MARVELD2: variants seen among roughly 807,000 people sequenced by gnomAD.
The protein encoded by MARVELD2 is MARVEL domain-containing protein 2.
A neutral mutation model predicts 57.6 loss-of-function variants in MARVELD2; 49 were observed. That is an observed-to-expected ratio of 0.85 (90% CI 0.68 to 1.08). The LOEUF is 1.08. Among genes scored for constraint, MARVELD2 ranks in the 50% least tolerant of loss-of-function variants. The pLI is 0.00. For missense variants in MARVELD2, 606 were observed against 701.1 expected (o/e 0.86, Z 1.53); for synonymous variants, 238 against 258.8 (o/e 0.92, Z 0.77).
intron 3 of MARVELD2, among the ~76,000 whole-genome samples, chr5:69,426,068 A>G (rs1766783082): frequency 6.6e-6 from 1 of 151,358 alleles, no homozygotes; most frequent in Non-Finnish European, 1.5e-5. Context: ...AAAGATGCCA[A>G]ATTTTGTAGT....
intron 3 of MARVELD2, among the ~76,000 whole-genome samples, chr5:69,430,418 G>C (rs896670346): frequency 1.3e-5 from 2 of 152,010 alleles, no homozygotes; most frequent in African/African-American, 4.8e-5. Context: ...ATCTCCCTAT[G>C]TTGCCCAGGC....
rs1016800692 is a variant in MARVELD2, at chr5:69,435,490, A to G, written c.1503+2397A>G. ...CTATATTGGCTGGGTGTGGTGGCTCATGCCTGTAATCTCAGCAGTTTGGGA... is the reference window on the plus strand; with the variant it reads ...CTATATTGGCTGGGTGTGGTGGCTCGTGCCTGTAATCTCAGCAGTTTGGGA... On this transcript the variant is annotated intron_variant, in intron 5 of 6. Coordinates refer to ENST00000325631, the MANE Select transcript of MARVELD2 (RefSeq NM_001038603.3). Among the ~76,000 whole-genome samples the G allele has an allele frequency of 2.0e-5, 3 of 152,058 alleles. No homozygotes were observed. The East Asian group carries it at 5.8e-4, about 29-fold the overall frequency.
At chr5:69,421,489 G>T (rs1047339708) in intron 2 of MARVELD2, among the ~76,000 whole-genome samples, 7 of 152,070 alleles carry the variant, frequency 4.6e-5, no homozygotes, top group African/African-American at 1.7e-4. Context: ...ATTGCACATG[G>T]TATATATTGG....
At chr5:69,436,511 T>C (rs1767148919) in intron 5 of MARVELD2, among the ~76,000 whole-genome samples, 1 of 151,958 alleles carries the variant, frequency 6.6e-6, no homozygotes, top group African/African-American at 2.4e-5. Flanking sequence ...ACAGACTCTT[T>C]GTTAAGTGTG....
chr5:69,433,614 A>G, intron 5 of MARVELD2: 1 of 159,678 alleles, frequency 6.3e-6, no homozygotes, highest in Non-Finnish European at 1.4e-5. Context: ...GCCTGCCACC[A>G]CGCCCAGCTA....
chr5:69,439,552 G>A (rs978496279), intron 5 of MARVELD2, among the ~76,000 whole-genome samples: 4 of 151,140 alleles, frequency 2.6e-5, no homozygotes, highest in African/African-American at 4.9e-5. Flanking sequence ...CCAGGAGTTC[G>A]AGACCAGCCT....
chr5:69,432,554 CAA>C lies in MARVELD2; in HGVS notation c.1212_1213del (p.Asp406LeufsTer4), dbSNP rs1161569913. 5 of 1,613,992 alleles carry C rather than the reference CAA, an allele frequency of 3.1e-6. No homozygotes were observed. The highest frequency in any genetic ancestry group is 1.7e-6 in the Non-Finnish European group (2 of 1,180,022). ...TGAAATGGCCACCAGTGGTGACAGA[CAA>C]AGAGACTCAGAAGTTAATTTCAAGG... Reference protein sequence around the residue: ...MCEMATSGDRQRDSEVNFKEL... With the variant: ...MCEMATSGDRXRDSEVNFKEL... On this transcript the variant is annotated frameshift_variant, in exon 4 of 7. Transcript: ENST00000325631. LOFTEE classifies it high-confidence loss of function.
At chr5:69,428,827 G>T (rs1391118221) in intron 3 of MARVELD2, among the ~76,000 whole-genome samples, 8 of 152,186 alleles carry the variant, frequency 5.3e-5, no homozygotes, top group African/African-American at 1.9e-4. Flanking sequence ...ACATTTAGGA[G>T]TTAAACCATG....
intron 5 of MARVELD2, among the ~76,000 whole-genome samples, chr5:69,436,275 C>T (rs1243267607): frequency 6.6e-6 from 1 of 151,896 alleles, no homozygotes; most frequent in Non-Finnish European, 1.5e-5. Flanking sequence ...GCAGGCAAGT[C>T]GTGTGAACCC....
intron 5 of MARVELD2, among the ~76,000 whole-genome samples, chr5:69,439,044 C>T (rs1580501149): frequency 8.8e-6 from 1 of 113,558 alleles, no homozygotes. Context: ...GCTTGGGCAA[C>T]AGAGCAAGAC....
Position 69,432,591 on chromosome 5 carries a change from C to G in MARVELD2, c.1247C>G (p.Thr416Arg), listed in dbSNP as rs1399788517. 2.5e-6 allele frequency: 4 copies of G among 1,614,048 alleles called. No homozygotes were observed. Among genetic ancestry groups the G allele is most frequent in the East Asian group, 2.2e-5 (1 of 44,900 alleles). ...GAAGTTAATTTCAAGGAACTGAGAA[C>G]AGCAAAAATGAAACCTGAACTACTG... is the stretch of plus-strand genomic sequence containing the variant. ...DSEVNFKELRTAKMKPELLSG... is the reference protein window; with the variant it reads ...DSEVNFKELRRAKMKPELLSG... The change falls in exon 4 of 7, where the codon ACA (threonine) becomes AGA (arginine). Residue 416 changes from threonine to arginine, a missense_variant. Coordinates refer to ENST00000325631, the MANE Select transcript of MARVELD2 (RefSeq NM_001038603.3).
intron 3 of MARVELD2, 140 bp from the exon 4 acceptor site, chr5:69,432,387 G>A (rs554282273): frequency 1.3e-5 from 12 of 900,728 alleles, no homozygotes; most frequent in East Asian, 5.3e-5. Flanking sequence ...GTGATCCTCC[G>A]GCTTTGTCCT....
chr5:69,427,797 C>G (rs927534590), intron 3 of MARVELD2, among the ~76,000 whole-genome samples: 15 of 152,126 alleles, frequency 9.9e-5, no homozygotes, highest in African/African-American at 2.4e-5. Flanking sequence ...AATTCTTTGT[C>G]TCATATGTGG....
intron 5 of MARVELD2, among the ~76,000 whole-genome samples, chr5:69,437,381 TA>T (rs36086491): frequency 0.014 from 1,426 of 100,070 alleles, 20 homozygotes; most frequent in African/African-American, 0.038. Flanking sequence ...AACTCTGTCT[TA>T]AAAAAAAAAA....
intron 5 of MARVELD2, among the ~76,000 whole-genome samples, chr5:69,438,215 G>A (rs1256800683): frequency 1.3e-5 from 2 of 152,032 alleles, no homozygotes; most frequent in African/African-American, 4.8e-5. Context: ...TAGAAATATT[G>A]CCCCAAACAA....
At chr5:69,441,428 G>C in intron 6 of MARVELD2, 104 bp from the exon 7 acceptor site, 1 of 1,329,248 alleles carries the variant, frequency 7.5e-7, no homozygotes, top group Non-Finnish European at 1.1e-6. Context: ...ATCTGCTGTA[G>C]AGACTTTTGC....
In MARVELD2 at chr5:69,420,075, G is replaced by A. The variant is rs369204943; in HGVS notation, c.690G>A (p.Pro230=). 4.3e-6 allele frequency: 7 copies of A among 1,614,016 alleles called. No homozygotes were observed. Among genetic ancestry groups the A allele is most frequent in the Middle Eastern group, 1.6e-4 (1 of 6,084 alleles). Residue 230 remains proline, a synonymous_variant, in exon 2 of 7, where the codon CCG becomes CCA. Coordinates refer to ENST00000325631, the MANE Select transcript of MARVELD2 (RefSeq NM_001038603.3). ...ACAACTTGTTTGGATATTCACAACC[G>A]TATGGCATGGGAGGCGTTGGTGGAT... The part of the protein sequence containing the change: ...EWYNLFGYSQ[P]YGMGGVGGLG...
intron 5 of MARVELD2, among the ~76,000 whole-genome samples, chr5:69,438,779 G>A (rs1230231862): frequency 7.2e-5 from 11 of 151,854 alleles, no homozygotes; most frequent in Middle Eastern, 3.2e-3. Context: ...CCAGCTACTC[G>A]GGAGGCTGAG....
At position 69,419,898 on chromosome 5, in the gene MARVELD2, A is replaced by T; in HGVS notation, c.513A>T (p.Thr171=). 1.2e-6 allele frequency: 2 copies of T among 1,614,152 alleles called. No individual in the cohort carries two copies. The highest frequency in any genetic ancestry group is 1.7e-6 in the Non-Finnish European group (2 of 1,180,032). ...ACCGACACACACAAACAGTTCGAAC[A>T]TACAGTGAGAAGGTGGAGGAGTATA... is the stretch of plus-strand genomic sequence containing the variant. ...SLDRHTQTVR[T]YSEKVEEYNL... Residue 171 remains threonine, a synonymous_variant, in exon 2 of 7, where the codon ACA becomes ACT. Transcript: ENST00000325631.
Sources: gnomAD v4.1 joint callset for allele counts (sites outside exome capture counted in the v4.1 genomes callset) on GRCh38, gnomAD v4.1.1 for gene constraint, MANE v1.5 for transcripts, NCBI Gene and HGNC (gene_info 2026-07-23, HGNC 2026-07-21) for gene names.